The following ANKS1B variants were observed in gnomAD, a reference collection of about 807,000 sequenced individuals.
ANKS1B encodes ankyrin repeat and sterile alpha motif domain-containing protein 1B.
A neutral mutation model predicts 148.3 loss-of-function variants in ANKS1B; 36 were observed. That is an observed-to-expected ratio of 0.24 (90% CI 0.19 to 0.32). ANKS1B has a LOEUF of 0.32. Ranked by LOEUF, ANKS1B falls within the 10% of genes least tolerant of loss-of-function variation. The probability of loss-of-function intolerance (pLI) is 1.00; values close to 1 mark genes in which losing one functional copy is unlikely to be tolerated. For synonymous variants in ANKS1B, 542 were observed against 560.8 expected (o/e 0.97, Z 0.47); for missense variants, 1,157 against 1,542.6 (o/e 0.75, Z 4.19).
At chr12:99,270,844 TTTTAA>T (rs1203290931) in intron 12 of ANKS1B, among the ~76,000 whole-genome samples, 15 of 152,348 alleles carry the variant, frequency 9.8e-5, no homozygotes, top group African/African-American at 2.4e-4. Context: ...AAAAAGAATA[TTTTAA>T]TTTAATAGTT....
intron 11 of ANKS1B, among the ~76,000 whole-genome samples, chr12:99,403,627 C>G (rs1402617785): frequency 2.1e-5 from 3 of 145,270 alleles, no homozygotes; most frequent in African/African-American, 7.9e-5. Flanking sequence ...TGTACAGAGG[C>G]TCTTTAGTTT....
intron 17 of ANKS1B, among the ~76,000 whole-genome samples, chr12:98,835,251 C>A (rs896347455): frequency 6.6e-6 from 1 of 152,116 alleles, no homozygotes; most frequent in African/African-American, 2.4e-5. Flanking sequence ...CCTCTGATCT[C>A]AGGTTTTCTC....
At chr12:99,867,497 C>A (rs76046463) in intron 1 of ANKS1B, among the ~76,000 whole-genome samples, 2,014 of 152,184 alleles carry the variant, frequency 0.013, 54 homozygotes, top group African/African-American at 0.046. Context: ...TGGTAGAGGG[C>A]GAAAGGCATG....
At chr12:99,867,463 G>A (rs1296964632) in intron 1 of ANKS1B, among the ~76,000 whole-genome samples, 1 of 152,130 alleles carries the variant, frequency 6.6e-6, no homozygotes, top group Non-Finnish European at 1.5e-5. Context: ...ACAGCTCCAC[G>A]TGGCTAGGAA....
chr12:99,521,213 C>T (rs1046988175), intron 9 of ANKS1B, among the ~76,000 whole-genome samples: 3 of 152,172 alleles, frequency 2.0e-5, no homozygotes, highest in Non-Finnish European at 4.4e-5. Flanking sequence ...TTTTCAGCTC[C>T]AGAATTTCTA....
At chr12:99,374,996 T>A in intron 12 of ANKS1B, among the ~76,000 whole-genome samples, 1 of 152,214 alleles carries the variant, frequency 6.6e-6, no homozygotes, top group East Asian at 1.9e-4. Context: ...TACCTCCCAA[T>A]GGGACACATT....
chr12:98,921,182 C>T (rs1268696028), intron 17 of ANKS1B, among the ~76,000 whole-genome samples: 1 of 152,010 alleles, frequency 6.6e-6, no homozygotes, highest in Admixed American at 6.6e-5. Context: ...TTCTTCCCTC[C>T]CTTGATGTTT....
intron 8 of ANKS1B, among the ~76,000 whole-genome samples, chr12:99,671,510 T>A (rs1381146746): frequency 2.0e-5 from 3 of 152,156 alleles, no homozygotes; most frequent in Non-Finnish European, 4.4e-5. Context: ...TCTTTTCTCA[T>A]CTTTATATTG....
intron 11 of ANKS1B, among the ~76,000 whole-genome samples, chr12:99,442,933 A>C (rs1374684272): frequency 2.0e-5 from 3 of 151,936 alleles, no homozygotes; most frequent in Non-Finnish European, 4.4e-5. Context: ...CAGGTTGAGA[A>C]CACCACCAAT....
intron 1 of ANKS1B, among the ~76,000 whole-genome samples, chr12:99,930,191 T>G (rs1426237243): frequency 6.6e-6 from 1 of 151,736 alleles, no homozygotes; most frequent in Admixed American, 6.6e-5. Context: ...TGGTTTGTAG[T>G]TCTCCTTGAA....
Position 99,812,540 on chromosome 12 carries a change from CACACACACACACACACACAGAGAGAG to C in ANKS1B, c.216-255_216-230del, listed in dbSNP as rs1438965806. ...ACACACACACACACACACACACACA[CACACACACACACACACACAGAGAGAG>C]AGAGAGAGAGAAAGAGAGCGAGAGC... On this transcript the variant is annotated intron_variant, in intron 2 of 26. Transcript: ENST00000683438. Among the ~76,000 whole-genome samples, 316 of 96,754 alleles carry C rather than the reference CACACACACACACACACACAGAGAGAG, an allele frequency of 3.3e-3. 2 individuals are homozygous for C. The highest frequency in any genetic ancestry group is 0.013 in the African/African-American group (288 of 22,366). The allele number at this position is 96,754 out of a possible 152,430, so 63.5% of individuals were successfully genotyped here. A position where few individuals can be genotyped will look rare whatever the true frequency, so the allele number is the denominator to read the frequency against.
chr12:99,604,191 A>G (rs2097830685), intron 9 of ANKS1B, among the ~76,000 whole-genome samples: 1 of 152,130 alleles, frequency 6.6e-6, no homozygotes, highest in Non-Finnish European at 1.5e-5. Flanking sequence ...GTGGCATACA[A>G]CATTTTAACA....
At chr12:99,272,319 G>A (rs1336700440) in intron 12 of ANKS1B, among the ~76,000 whole-genome samples, 1 of 152,150 alleles carries the variant, frequency 6.6e-6, no homozygotes, top group African/African-American at 2.4e-5. Flanking sequence ...ACTCTTTTCA[G>A]AAAACTTTGT....
At chr12:99,139,220 C>T (rs1566371977) in intron 15 of ANKS1B, among the ~76,000 whole-genome samples, 1 of 144,324 alleles carries the variant, frequency 6.9e-6, no homozygotes. Flanking sequence ...CCTTCCTTCT[C>T]TTTCTTTCCT....
intron 1 of ANKS1B, among the ~76,000 whole-genome samples, chr12:99,974,252 T>C (rs1397757892): frequency 6.6e-6 from 1 of 152,204 alleles, no homozygotes; most frequent in African/African-American, 2.4e-5. Context: ...TTTTGTTAGA[T>C]ATAAGGATGT....
At chr12:99,126,643 C>T (rs2064444270) in intron 15 of ANKS1B, among the ~76,000 whole-genome samples, 1 of 152,148 alleles carries the variant, frequency 6.6e-6, no homozygotes, top group African/African-American at 2.4e-5. Flanking sequence ...AACCAAGTTT[C>T]AGGAGGCCTG....
chr12:99,644,907 C>T (rs1598726991), intron 9 of ANKS1B, among the ~76,000 whole-genome samples: 1 of 152,072 alleles, frequency 6.6e-6, no homozygotes, highest in South Asian at 2.1e-4. Flanking sequence ...CCACTCTGAC[C>T]TCTACTTCCA....
intron 17 of ANKS1B, among the ~76,000 whole-genome samples, chr12:98,953,536 G>GTTTTTTTTT (rs1567984307): frequency 1.1e-5 from 1 of 94,340 alleles, no homozygotes; most frequent in African/African-American, 5.5e-5. Flanking sequence ...AATCTAGAGT[G>GTTTTTTTTT]GTTTTTTTTT....
intron 25 of ANKS1B, among the ~76,000 whole-genome samples, chr12:98,768,425 C>G (rs1301577629): frequency 5.3e-5 from 1 of 18,990 alleles, no homozygotes; most frequent in East Asian, 3.3e-3. Flanking sequence ...GGGGTGCTCT[C>G]TAAAAAAAAA....
Sources: allele counts gnomAD v4.1 joint callset (sites outside exome capture counted in the v4.1 genomes callset), GRCh38; gene constraint gnomAD v4.1.1; transcripts MANE v1.5; gene names NCBI Gene and HGNC (gene_info 2026-07-23, HGNC 2026-07-21).